Variants in RAB11FIP2 observed in about 807,000 individuals in gnomAD.
RAB11FIP2 encodes rab11 family-interacting protein 2.
RAB11FIP2 carries 16 observed loss-of-function variants against 40.9 expected under a neutral mutation model. The observed-to-expected ratio is 0.39, with a 90% CI of 0.26 to 0.59. The LOEUF is 0.59. Among genes scored for constraint, RAB11FIP2 ranks in the 20% least tolerant of loss-of-function variants. The pLI is 0.53. For synonymous variants in RAB11FIP2, 228 were observed against 213.7 expected (o/e 1.07, Z -0.58); for missense variants, 532 against 606.2 (o/e 0.88, Z 1.28).
chr10:118,046,371 A>G lies in RAB11FIP2; in HGVS notation c.-208T>C. 2 of 576,070 alleles carry G rather than the reference A, an allele frequency of 3.5e-6. No individual in the cohort carries two copies. The highest frequency in any genetic ancestry group is 2.2e-5 in the South Asian group (1 of 45,218). The allele number at this position is 576,070 out of a possible 1,614,324, so 35.7% of individuals were successfully genotyped here. A position where few individuals can be genotyped will look rare whatever the true frequency, so the allele number is the denominator to read the frequency against. ...GCTCCGGGGGTCCCCTTTCGTCTGG[A>G]GAAACACAGAGGCCCACCATCACCT... is the stretch of plus-strand genomic sequence containing the variant. On this transcript the variant is annotated 5_prime_UTR_variant, in exon 1 of 5. Transcript: ENST00000355624.
chr10:118,025,649 C>T (rs1166922386), intron 3 of RAB11FIP2, among the ~76,000 whole-genome samples: 1 of 152,190 alleles, frequency 6.6e-6, no homozygotes, highest in Non-Finnish European at 1.5e-5. Context: ...GATGCAAATT[C>T]TTCATTCTGG....
chr10:118,026,316 ATATT>A (rs1301948764), intron 3 of RAB11FIP2, among the ~76,000 whole-genome samples: 3 of 152,330 alleles, frequency 2.0e-5, no homozygotes, highest in East Asian at 3.9e-4. Flanking sequence ...TAAGTGAAGA[ATATT>A]TATTTTTTAA....
chr10:118,042,347 C>T (rs778089281), intron 1 of RAB11FIP2, among the ~76,000 whole-genome samples: 3 of 152,186 alleles, frequency 2.0e-5, no homozygotes, highest in Non-Finnish European at 4.4e-5. Context: ...AAATCATCTA[C>T]TTTAACATCT....
chr10:118,018,062 T>G (rs1846242369), intron 3 of RAB11FIP2: 1 of 152,220 alleles, frequency 6.6e-6, no homozygotes, highest in Admixed American at 6.5e-5. Context: ...TGAGCCACTC[T>G]CTCCAGCTCC....
intron 3 of RAB11FIP2, among the ~76,000 whole-genome samples, chr10:118,033,570 G>A (rs540691474): frequency 3.9e-5 from 6 of 152,180 alleles, no homozygotes; most frequent in African/African-American, 1.2e-4. Context: ...AATTGAGCCC[G>A]GGAATGAAGA....
chr10:118,030,076 T>C (rs1589644424), intron 3 of RAB11FIP2, among the ~76,000 whole-genome samples: 2 of 152,102 alleles, frequency 1.3e-5, no homozygotes, highest in East Asian at 3.9e-4. Flanking sequence ...AGGTAAAAAA[T>C]AAACTGAAAA....
Position 118,005,586 on chromosome 10 carries a change from T to A in RAB11FIP2, c.*3412A>T, listed in dbSNP as rs1388356862. 6.6e-6 allele frequency: 1 copy of A among 152,166 alleles called. No homozygotes were observed. The highest frequency in any genetic ancestry group is 1.5e-5 in the Non-Finnish European group (1 of 68,022). The allele number at this position is 152,166 out of a possible 1,614,324, so 9.4% of individuals were successfully genotyped here. ...GCATGCATCATACTTCACTTACACA[T>A]ACACACAAGTGACACCTACCACCTA... On this transcript the variant is annotated 3_prime_UTR_variant, in exon 5 of 5. Coordinates refer to ENST00000355624, the MANE Select transcript of RAB11FIP2 (RefSeq NM_014904.3).
intron 3 of RAB11FIP2, among the ~76,000 whole-genome samples, chr10:118,032,776 T>A (rs1258229844): frequency 6.6e-6 from 1 of 152,116 alleles, no homozygotes; most frequent in Non-Finnish European, 1.5e-5. Flanking sequence ...TGGTAGGCCA[T>A]CCGATTCTGT....
In RAB11FIP2 at chr10:118,009,174, C is replaced by T; in HGVS notation, c.1363G>A (p.Glu455Lys). ...TGTTTCACCAGCTCCTGTAGAACCT[C>T]TTCATAGGTCAGACTACGATACCCT... ...TAGYRSLTYE[E>K]VLQELVKHKE... is the part of the protein sequence containing the mutation. Residue 455 changes from glutamate (E) to lysine (K), a missense_variant, in exon 5 of 5, where the codon GAG becomes AAG. Coordinates refer to ENST00000355624, the MANE Select transcript of RAB11FIP2 (RefSeq NM_014904.3). 1 of 1,613,606 alleles carries T rather than the reference C, an allele frequency of 6.2e-7. No individual in the cohort carries two copies. Among genetic ancestry groups the T allele is most frequent in the Admixed American group, 1.7e-5 (1 of 59,980 alleles).
At chr10:118,034,110 G>A (rs986225091) in intron 3 of RAB11FIP2, 9 of 695,026 alleles carry the variant, frequency 1.3e-5, no homozygotes, top group Non-Finnish European at 2.1e-5. Flanking sequence ...ACTACTCAAC[G>A]CTACCACCGT....
intron 3 of RAB11FIP2, among the ~76,000 whole-genome samples, chr10:118,019,658 C>T (rs546522540): frequency 6.6e-6 from 1 of 151,914 alleles, no homozygotes; most frequent in East Asian, 1.9e-4. Context: ...CCCGTCTCTA[C>T]TAAAAATACA....
chr10:118,039,636 G>C, intron 2 of RAB11FIP2, 196 bp from the exon 3 acceptor site: 2 of 583,806 alleles, frequency 3.4e-6, no homozygotes, highest in East Asian at 5.7e-5. Flanking sequence ...ATAACAACTA[G>C]CATATTGCTA....
At chr10:118,025,867 C>T (rs1451342206) in intron 3 of RAB11FIP2, among the ~76,000 whole-genome samples, 1 of 152,160 alleles carries the variant, frequency 6.6e-6, no homozygotes, top group African/African-American at 2.4e-5. Flanking sequence ...ACTGCCTAAC[C>T]TTATCCATCT....
chr10:118,046,395 C>T lies in RAB11FIP2; in HGVS notation c.-232G>A. 1.8e-6 allele frequency: 1 copy of T among 546,260 alleles called. No homozygotes were observed. Among genetic ancestry groups the T allele is most frequent in the East Asian group, 3.0e-5 (1 of 33,406 alleles). The allele number at this position is 546,260 out of a possible 1,614,324, so 33.8% of individuals were successfully genotyped here. ...GAGAAACACAGAGGCCCACCATCAC[C>T]TGGCCGCGCCGTGCAGGCCTCTGCG... is the stretch of plus-strand genomic sequence containing the variant. On this transcript the variant is annotated 5_prime_UTR_variant, in exon 1 of 5. Transcript: ENST00000355624.
intron 1 of RAB11FIP2, among the ~76,000 whole-genome samples, chr10:118,041,746 G>T (rs1262227069): frequency 6.6e-6 from 1 of 152,054 alleles, no homozygotes; most frequent in Admixed American, 6.6e-5. Context: ...TTGAAATACT[G>T]GCACATGATA....
intron 3 of RAB11FIP2, among the ~76,000 whole-genome samples, chr10:118,022,067 TTC>T (rs1176904331): frequency 6.6e-6 from 1 of 152,126 alleles, no homozygotes; most frequent in Non-Finnish European, 1.5e-5. Flanking sequence ...TTTAGAACAG[TTC>T]TGTCTGGTTT....
In RAB11FIP2 at chr10:118,005,317, T is replaced by C. The variant is rs1846080434; in HGVS notation, c.*3681A>G. On this transcript the variant is annotated 3_prime_UTR_variant, in exon 5 of 5. Transcript: ENST00000355624. ...ATGGAATGAAACATCAACTCTATTTTAATGCTTGAAGAGCTTCTATACCTC... is the reference window on the plus strand; with the variant it reads ...ATGGAATGAAACATCAACTCTATTTCAATGCTTGAAGAGCTTCTATACCTC... 6.6e-6 allele frequency: 1 copy of C among 152,666 alleles called. No individual in the cohort carries two copies. Among genetic ancestry groups the C allele is most frequent in the South Asian group, 2.1e-4 (1 of 4,838 alleles). 9.5% of individuals were successfully genotyped at this position (152,666 alleles called of 1,614,324 possible).
intron 4 of RAB11FIP2, among the ~76,000 whole-genome samples, chr10:118,011,452 T>C (rs543462585): frequency 9.0e-4 from 137 of 152,082 alleles, no homozygotes; most frequent in African/African-American, 3.2e-3. Context: ...TAATATATAG[T>C]TTGGAGATAC....
rs981352066 is a variant in RAB11FIP2, at chr10:118,011,895, A to G, written c.1312-2670T>C. On this transcript the variant is annotated intron_variant, in intron 4 of 4. Transcript: ENST00000355624. The stretch of plus-strand genomic sequence containing the variant: ...GCTTTTTCTTTATTTAACATAATAA[A>G]AGCATCTATTCAAGTCTCTCTAATC... 4.9e-4 allele frequency among the ~76,000 whole-genome samples: 75 copies of G among 152,028 alleles called. 1 individual carries two copies. The highest frequency in any genetic ancestry group is 1.8e-4 in the Non-Finnish European group (12 of 67,918).
Sources: allele counts gnomAD v4.1 joint callset (sites outside exome capture counted in the v4.1 genomes callset), GRCh38; gene constraint gnomAD v4.1.1; transcripts MANE v1.5; gene names NCBI Gene and HGNC (gene_info 2026-07-23, HGNC 2026-07-21).